PSMA2: variants seen among roughly 807,000 people sequenced by gnomAD.
PSMA2 encodes proteasome subunit alpha type-2.
PSMA2 carries 2 observed loss-of-function variants against 35.9 expected under a neutral mutation model. The ratio of observed to expected loss-of-function variants is 0.06; its 90% CI spans 0.02 to 0.18. The LOEUF is 0.18. Among genes scored for constraint, PSMA2 ranks in the 10% least tolerant of loss-of-function variants. The pLI is 1.00. For synonymous variants in PSMA2, 97 were observed against 98.2 expected (o/e 0.99, Z 0.07); for missense variants, 126 against 278.8 (o/e 0.45, Z 3.90).
rs1022551492 is a variant in PSMA2 at position 42,917,471 on chromosome 7, A to G, written c.*103T>C. 2 of 841,172 alleles carry G rather than the reference A, an allele frequency of 2.4e-6. No homozygotes were observed. Among genetic ancestry groups the G allele is most frequent in the African/African-American group, 3.4e-5 (2 of 58,816 alleles). 52.1% of individuals were successfully genotyped at this position (841,172 alleles called of 1,614,324 possible). ...ATTTTAAAAACAGTCGATTTAAACCATGTAGAAATAAGTATGCAAAAAGTC... is the reference window on the plus strand; with the variant it reads ...ATTTTAAAAACAGTCGATTTAAACCGTGTAGAAATAAGTATGCAAAAAGTC... On this transcript the variant is annotated 3_prime_UTR_variant, in exon 8 of 8. Coordinates refer to ENST00000223321, the MANE Select transcript of PSMA2 (RefSeq NM_002787.5).
chr7:42,930,418 A>G (rs1057179173), intron 1 of PSMA2, among the ~76,000 whole-genome samples: 1 of 151,726 alleles, frequency 6.6e-6, no homozygotes, highest in Non-Finnish European at 1.5e-5. Flanking sequence ...TGCCTGGCTA[A>G]TTTTTTAATT....
intron 2 of PSMA2, among the ~76,000 whole-genome samples, chr7:42,927,130 GA>G (rs35918366): frequency 0.85 from 129,357 of 152,180 alleles, 55,134 homozygotes; most frequent in South Asian, 0.91. Context: ...AACAAAAAAA[GA>G]ACTCAGTTTT....
rs58198756 is a variant in PSMA2, at chr7:42,924,353, C to CAAAAAAAAAAA, written c.374+311_374+321dup. On this transcript the variant is annotated intron_variant, in intron 4 of 7. Coordinates refer to ENST00000223321, the MANE Select transcript of PSMA2 (RefSeq NM_002787.5). ...TGGGCGACAGAGTGAGACTCTGACT[C>CAAAAAAAAAAA]AAAAAAAAAAAAAAAAAAAAAAAAA... is the stretch of plus-strand genomic sequence containing the variant. 5.8e-5 allele frequency among the ~76,000 whole-genome samples: 4 copies of CAAAAAAAAAAA among 69,418 alleles called. 1 individual carries two copies. Among genetic ancestry groups the CAAAAAAAAAAA allele is most frequent in the African/African-American group, 2.5e-4 (4 of 16,266 alleles). The allele number at this position is 69,418 out of a possible 152,430, so 45.5% of individuals were successfully genotyped here.
At chr7:42,929,788 C>T (rs528199128) in intron 1 of PSMA2, among the ~76,000 whole-genome samples, 8 of 152,320 alleles carry the variant, frequency 5.3e-5, no homozygotes, top group Non-Finnish European at 1.0e-4. Flanking sequence ...CACTATAGCA[C>T]ATTTGCCTCA....
At chr7:42,927,974 T>G (rs941920041) in intron 1 of PSMA2, among the ~76,000 whole-genome samples, 1 of 152,192 alleles carries the variant, frequency 6.6e-6, no homozygotes. Flanking sequence ...ATACTCCTAC[T>G]GAAGCACTAC....
At chr7:42,921,744 T>C (rs1296345031) in intron 6 of PSMA2, 114 bp downstream of exon 6, 27 of 761,318 alleles carry the variant, frequency 3.5e-5, no homozygotes, top group Non-Finnish European at 5.3e-5. Flanking sequence ...ACTAGATTCA[T>C]ATACAGAGTA....
intron 1 of PSMA2, among the ~76,000 whole-genome samples, chr7:42,930,240 CA>C: frequency 6.6e-6 from 1 of 151,526 alleles, no homozygotes; most frequent in South Asian, 2.1e-4. Flanking sequence ...CACACACACA[CA>C]CACACACAAG....
chr7:42,919,723 A>G, intron 6 of PSMA2: 1 of 592,550 alleles, frequency 1.7e-6, no homozygotes. Context: ...TGCAAACATT[A>G]ACTCTGAATC....
In PSMA2 at chr7:42,917,335, T is replaced by C; in HGVS notation, c.*239A>G. On this transcript the variant is annotated 3_prime_UTR_variant, in exon 8 of 8. Coordinates refer to ENST00000223321, the MANE Select transcript of PSMA2 (RefSeq NM_002787.5). Reference sequence around the variant, plus strand: ...CATTTCATCATTCTGCTTGGCAATGTAGTCTTCAGAAATCAACTGTGATAA... The same window carrying C: ...CATTTCATCATTCTGCTTGGCAATGCAGTCTTCAGAAATCAACTGTGATAA... 5.5e-6 allele frequency: 2 copies of C among 365,844 alleles called. No homozygotes were observed. Among genetic ancestry groups the C allele is most frequent in the Non-Finnish European group, 9.9e-6 (2 of 201,866 alleles). The allele number at this position is 365,844 out of a possible 1,614,324, so 22.7% of individuals were successfully genotyped here.
At chr7:42,930,078 G>A (rs1239460099) in intron 1 of PSMA2, among the ~76,000 whole-genome samples, 1 of 152,124 alleles carries the variant, frequency 6.6e-6, no homozygotes, top group African/African-American at 2.4e-5. Flanking sequence ...TCAACCAAAT[G>A]TAGTCCACAA....
At chr7:42,919,210 AT>A in intron 6 of PSMA2, 1 of 608,832 alleles carries the variant, frequency 1.6e-6, no homozygotes. Flanking sequence ...GATTGGAACA[AT>A]TTTGGGTCAT....
intron 1 of PSMA2, 83 bp from the exon 2 acceptor site, chr7:42,927,542 C>T: frequency 1.5e-6 from 2 of 1,331,786 alleles, no homozygotes; most frequent in South Asian, 1.2e-5. Flanking sequence ...TACAGACATA[C>T]AGGTCAAATC....
intron 6 of PSMA2, chr7:42,920,663 T>C (rs1786113291): frequency 6.6e-6 from 1 of 152,184 alleles, no homozygotes; most frequent in African/African-American, 2.4e-5. Context: ...CTCATTAATA[T>C]ATAAAAGAAA....
In PSMA2 at chr7:42,927,478, AT is replaced by A; in HGVS notation, c.42-20del. ...AGACGGGCTTAAAAGAAACACAGGTATTTGTAAGTTCACATATCATCAAATA... is the reference window on the plus strand; with the variant it reads ...AGACGGGCTTAAAAGAAACACAGGTATTGTAAGTTCACATATCATCAAATA... On this transcript the variant is annotated intron_variant, in intron 1 of 7. Coordinates refer to ENST00000223321, the MANE Select transcript of PSMA2 (RefSeq NM_002787.5). 12 of 1,605,452 alleles carry A rather than the reference AT, an allele frequency of 7.5e-6. No homozygotes were observed. Among genetic ancestry groups the A allele is most frequent in the Non-Finnish European group, 1.0e-5 (12 of 1,172,152 alleles).
chr7:42,924,804 A>T lies in PSMA2; in HGVS notation c.252-7T>A. ...AGCTCTGTGCACAAGCACTCTAACA[A>T]GGAAAAAATAAGATTTAATTACACA... On this transcript the variant is annotated splice_polypyrimidine_tract_variant and splice_region_variant and intron_variant, in intron 3 of 7. Coordinates refer to ENST00000223321, the MANE Select transcript of PSMA2 (RefSeq NM_002787.5). 1 of 1,605,894 alleles carries T rather than the reference A, an allele frequency of 6.2e-7. No individual in the cohort carries two copies. Among genetic ancestry groups the T allele is most frequent in the Middle Eastern group, 1.7e-4 (1 of 6,030 alleles).
intron 1 of PSMA2, among the ~76,000 whole-genome samples, chr7:42,928,878 G>A (rs1372441413): frequency 1.3e-5 from 2 of 152,016 alleles, no homozygotes; most frequent in Non-Finnish European, 2.9e-5. Context: ...ATGTCCTAAG[G>A]GAAGTTGCCC....
chr7:42,923,584 T>A (rs1277401300), intron 4 of PSMA2, among the ~76,000 whole-genome samples, 178 bp from the exon 5 acceptor site: 7 of 152,236 alleles, frequency 4.6e-5, no homozygotes, highest in Non-Finnish European at 1.0e-4. Context: ...ATTCTCTTTA[T>A]GGTAGTGAGG....
intron 6 of PSMA2, 113 bp from the exon 7 acceptor site, chr7:42,917,948 T>G (rs1329343129): frequency 2.8e-6 from 2 of 707,076 alleles, no homozygotes; most frequent in East Asian, 5.6e-5. Context: ...TTAAAAATAC[T>G]AAATTACACA....
intron 6 of PSMA2, chr7:42,919,439 C>A: frequency 3.7e-6 from 2 of 544,588 alleles, no homozygotes; most frequent in South Asian, 2.9e-5. Flanking sequence ...TGAACAAACC[C>A]GAAGCAGAAC....
Sources: gnomAD v4.1 joint callset for allele counts (sites outside exome capture counted in the v4.1 genomes callset) on GRCh38, gnomAD v4.1.1 for gene constraint, MANE v1.5 for transcripts, NCBI Gene and HGNC (gene_info 2026-07-23, HGNC 2026-07-21) for gene names.